STK38: variants seen among roughly 807,000 people sequenced by gnomAD.
The protein encoded by STK38 is serine/threonine kinase 38, also known as serine/threonine-protein kinase 38.
Under a neutral mutation model 59.0 loss-of-function variants are expected in STK38, and 26 were observed. The observed-to-expected ratio is 0.44, with a 90% CI of 0.32 to 0.61. STK38 has a LOEUF of 0.61. Among genes scored for constraint, STK38 ranks in the 20% least tolerant of loss-of-function variants. STK38 has a pLI of 0.04. For missense variants in STK38, 433 were observed against 566.0 expected (o/e 0.76, Z 2.38); for synonymous variants, 175 against 176.6 (o/e 0.99, Z 0.07).
chr6:36,547,163 T>C (rs1778070050), intron 1 of STK38, 27 bp downstream of exon 1: 1 of 152,058 alleles, frequency 6.6e-6, no homozygotes, highest in Admixed American at 6.6e-5. Flanking sequence ...CGGGATGGAG[T>C]GAAGACGGCG....
chr6:36,498,226 A>G (rs1357963711), intron 11 of STK38, 137 bp downstream of exon 11: 3 of 1,254,182 alleles, frequency 2.4e-6, no homozygotes, highest in Non-Finnish European at 3.3e-6. Context: ...GCCACCATGC[A>G]CAGCCTTTTT....
intron 3 of STK38, among the ~76,000 whole-genome samples, chr6:36,525,007 G>A (rs1777475786): frequency 6.6e-6 from 1 of 152,030 alleles, no homozygotes; most frequent in Admixed American, 6.6e-5. Context: ...TGGGTGGAAG[G>A]GCTGATTTGA....
At chr6:36,534,683 A>G (rs891736254) in intron 2 of STK38, among the ~76,000 whole-genome samples, 6 of 152,110 alleles carry the variant, frequency 3.9e-5, no homozygotes, top group African/African-American at 1.2e-4. Flanking sequence ...TTTTTAACCC[A>G]AATTAGAACA....
intron 9 of STK38, among the ~76,000 whole-genome samples, chr6:36,504,159 T>C (rs1460643766): frequency 6.6e-6 from 1 of 152,234 alleles, no homozygotes; most frequent in Non-Finnish European, 1.5e-5. Flanking sequence ...AATTCAACCC[T>C]AAAAAATTAA....
Position 36,495,408 on chromosome 6 carries a change from A to T in STK38, c.*376T>A. 3 of 179,054 alleles carry T rather than the reference A, an allele frequency of 1.7e-5. No homozygotes were observed. The highest frequency in any genetic ancestry group is 5.7e-5 in the Admixed American group (1 of 17,624). 11.1% of individuals were successfully genotyped at this position (179,054 alleles called of 1,614,324 possible). A position where few individuals can be genotyped will look rare whatever the true frequency, so the allele number is the denominator to read the frequency against. ...TTGGCAGAGAGCGTGTCACAAAATT[A>T]CAGGAACTGGCTGATATTCGATGAC... is the stretch of plus-strand genomic sequence containing the variant. On this transcript the variant is annotated 3_prime_UTR_variant, in exon 14 of 14. Coordinates refer to ENST00000229812, the MANE Select transcript of STK38 (RefSeq NM_007271.4).
chr6:36,531,592 A>C (rs1448259572), intron 2 of STK38, among the ~76,000 whole-genome samples: 4 of 152,188 alleles, frequency 2.6e-5, no homozygotes, highest in Non-Finnish European at 5.9e-5. Flanking sequence ...CAAAACACAG[A>C]CTGAAGGAAT....
At chr6:36,516,822 G>C (rs1777266334) in intron 6 of STK38, among the ~76,000 whole-genome samples, 1 of 152,218 alleles carries the variant, frequency 6.6e-6, no homozygotes, top group Admixed American at 6.5e-5. Context: ...GCAAAGGGCA[G>C]GGTCCAGGAG....
chr6:36,547,154 G>A (rs940449352), intron 1 of STK38, 36 bp downstream of exon 1: 3 of 153,288 alleles, frequency 2.0e-5, no homozygotes, highest in African/African-American at 7.2e-5. Context: ...GAAAAACCCC[G>A]GGATGGAGTG....
rs1023060984 is a variant in STK38 at position 36,517,813 on chromosome 6, T to C, written c.418A>G (p.Ile140Val). The C allele has an allele frequency of 6.2e-7, 1 of 1,614,000 alleles. No homozygotes were observed. The highest frequency in any genetic ancestry group is 8.5e-7 in the Non-Finnish European group (1 of 1,179,972). ...QVGHIRAERD[I>V]LVEADSLWVV... is the part of the protein sequence containing the mutation. The stretch of plus-strand genomic sequence containing the variant: ...CACAAACTGTCTGCCTCCACTAGAA[T>C]GTCACGCTCCGCACGAATGTGGCCA... The change falls in exon 6 of 14, where the codon ATT becomes GTT. Residue 140 changes from isoleucine (I) to valine (V), a missense_variant. Ile to Val is a conservative substitution (Grantham distance 29, BLOSUM62 3). Transcript: ENST00000229812.
intron 13 of STK38, 101 bp downstream of exon 13, chr6:36,496,610 T>C: frequency 1.2e-6 from 1 of 845,978 alleles, no homozygotes; most frequent in East Asian, 2.5e-5. Flanking sequence ...AGAAATGAAA[T>C]TCCTCTCCAT....
At chr6:36,507,732 G>A in intron 7 of STK38, 130 bp from the exon 8 acceptor site, 1 of 581,482 alleles carries the variant, frequency 1.7e-6, no homozygotes. Flanking sequence ...TTTATGATAG[G>A]AAAAATCATG....
At chr6:36,528,868 CTAATTA>C (rs1164768892) in intron 2 of STK38, among the ~76,000 whole-genome samples, 2 of 152,220 alleles carry the variant, frequency 1.3e-5, no homozygotes, top group African/African-American at 4.8e-5. Flanking sequence ...GTGGCTCCTT[CTAATTA>C]TATTTTAAAC....
intron 10 of STK38, among the ~76,000 whole-genome samples, chr6:36,499,530 G>A (rs542763159): frequency 3.3e-5 from 5 of 152,270 alleles, no homozygotes; most frequent in South Asian, 4.2e-4. Context: ...GGAAGGGGGC[G>A]GCAAATTAGG....
chr6:36,506,666 T>C, intron 8 of STK38, 22 bp from the exon 9 acceptor site: 1 of 1,609,576 alleles, frequency 6.2e-7, no homozygotes, highest in Non-Finnish European at 8.5e-7. Flanking sequence ...GAATACAAGC[T>C]GCAGTCAAAG....
chr6:36,515,635 T>A, intron 6 of STK38, 143 bp from the exon 7 acceptor site: 1 of 1,418,682 alleles, frequency 7.0e-7, no homozygotes, highest in Non-Finnish European at 9.3e-7. Context: ...CTCTTCTGTG[T>A]GCCAGAGATA....
intron 4 of STK38, among the ~76,000 whole-genome samples, chr6:36,523,469 T>C (rs1361537276): frequency 1.3e-5 from 2 of 151,548 alleles, no homozygotes. Flanking sequence ...CACCATGTTG[T>C]CAGGCTGGTC....
intron 2 of STK38, among the ~76,000 whole-genome samples, chr6:36,536,827 C>T (rs1384350513): frequency 6.6e-6 from 1 of 151,756 alleles, no homozygotes; most frequent in East Asian, 1.9e-4. Context: ...TGAGCCACCG[C>T]ACCTGGCCCA....
intron 2 of STK38, among the ~76,000 whole-genome samples, chr6:36,535,201 C>G (rs1777759993): frequency 6.6e-6 from 1 of 152,130 alleles, no homozygotes. Flanking sequence ...CCTGTAATCC[C>G]AGCACTTTGG....
chr6:36,544,283 T>C lies in STK38; in HGVS notation c.-6+2907A>G, dbSNP rs181906286. ...TTTTTTATGGGGAAGTTTCGACTAA[T>C]ACCAAAGCAAACTCAAATGTTTTAG... is the stretch of plus-strand genomic sequence containing the variant. On this transcript the variant is annotated intron_variant, in intron 1 of 13. Coordinates refer to ENST00000229812, the MANE Select transcript of STK38 (RefSeq NM_007271.4). Among the ~76,000 whole-genome samples the C allele has an allele frequency of 1.3e-3, 195 of 151,784 alleles. 1 individual carries two copies. Among genetic ancestry groups the C allele is most frequent in the Admixed American group, 3.8e-3 (58 of 15,212 alleles).
Sources: allele counts gnomAD v4.1 joint callset (sites outside exome capture counted in the v4.1 genomes callset), GRCh38; gene constraint gnomAD v4.1.1; transcripts MANE v1.5; gene names NCBI Gene and HGNC (gene_info 2026-07-23, HGNC 2026-07-21).